BCAR3: variants seen among roughly 807,000 people sequenced by gnomAD.
BCAR3 encodes the protein breast cancer anti-estrogen resistance protein 3.
BCAR3 carries 37 observed loss-of-function variants against 80.1 expected under a neutral mutation model. The observed-to-expected ratio is 0.46, with a 90% CI of 0.36 to 0.61. The LOEUF (loss-of-function observed/expected upper bound fraction) is 0.61, where lower values mean the gene tolerates loss of function less well. Ranked by LOEUF, BCAR3 falls within the 20% of genes least tolerant of loss-of-function variation. The pLI is 0.00. For synonymous variants in BCAR3, 389 were observed against 418.9 expected, an observed-to-expected ratio of 0.93 and a Z score of 0.87; for missense variants, 978 against 1,068.2, an observed-to-expected ratio of 0.92 and a Z score of 1.18.
Position 93,582,753 on chromosome 1 carries a change from A to G in BCAR3, c.1234T>C (p.Phe412Leu), listed in dbSNP as rs1673768421. ...GAGGGAGACGAGGGAACCTTGAGGA[A>G]CGGCACCTTGCAGGGCTTAGGCGGG... ...KPPPKPCKVP[F>L]LKVPSSPSAW... The change falls in exon 7 of 12, where the codon TTC (phenylalanine) becomes CTC (leucine). Residue 412 changes from phenylalanine (F) to leucine (L), a missense_variant. Coordinates refer to ENST00000260502, the MANE Select transcript of BCAR3 (RefSeq NM_003567.4). The G allele has an allele frequency of 2.5e-6, 4 of 1,614,082 alleles. No homozygotes were observed. The highest frequency in any genetic ancestry group is 3.4e-6 in the Non-Finnish European group (4 of 1,179,998).
intron 2 of BCAR3, among the ~76,000 whole-genome samples, chr1:93,834,829 G>A (rs1045104616): frequency 2.0e-5 from 3 of 152,172 alleles, no homozygotes; most frequent in African/African-American, 4.8e-5. Flanking sequence ...TTCCTGGCCT[G>A]GACTTCAATC....
In BCAR3 at chr1:93,566,094, C is replaced by T. The variant is rs911000625; in HGVS notation, c.2299+1185G>A. 1.2e-4 allele frequency among the ~76,000 whole-genome samples: 19 copies of T among 152,172 alleles called. 1 individual carries two copies. Among genetic ancestry groups the T allele is most frequent in the African/African-American group, 4.6e-4 (19 of 41,436 alleles). On this transcript the variant is annotated intron_variant, in intron 11 of 11. Transcript: ENST00000260502. ...ATTAAACCCTTCACTGGCTCTTCTT[C>T]AGCCACGGTCTTATGTGGAAGGGCT...
At chr1:93,840,603 A>G (rs1038966719) in intron 2 of BCAR3, among the ~76,000 whole-genome samples, 6 of 152,166 alleles carry the variant, frequency 3.9e-5, no homozygotes, top group African/African-American at 1.2e-4. Flanking sequence ...TGTCATTCTG[A>G]GGGGAAGAAA....
intron 3 of BCAR3, among the ~76,000 whole-genome samples, chr1:93,607,871 G>A (rs1674822498): frequency 6.6e-6 from 1 of 152,194 alleles, no homozygotes; most frequent in Non-Finnish European, 1.5e-5. Context: ...AGCGTAAGCT[G>A]CTTGTATCTC....
At chr1:93,598,270 G>C (rs1189188868) in intron 3 of BCAR3, among the ~76,000 whole-genome samples, 1 of 152,180 alleles carries the variant, frequency 6.6e-6, no homozygotes, top group African/African-American at 2.4e-5. Flanking sequence ...GGGTGCACTT[G>C]GGCGATCTGT....
At chr1:93,611,503 C>T (rs376573074) in intron 3 of BCAR3, among the ~76,000 whole-genome samples, 61 of 152,308 alleles carry the variant, frequency 4.0e-4, no homozygotes, top group African/African-American at 1.0e-3. Flanking sequence ...TTTTATGTAA[C>T]GGCTGTCTAC....
intron 6 of BCAR3, 141 bp downstream of exon 6, chr1:93,583,877 T>C: frequency 1.3e-6 from 1 of 768,316 alleles, no homozygotes; most frequent in South Asian, 1.9e-5. Context: ...CGGATATAAT[T>C]CTGCAAACCC....
chr1:93,718,688 C>CTTTTTT (rs71094259), intron 2 of BCAR3, among the ~76,000 whole-genome samples: 5 of 77,038 alleles, frequency 6.5e-5, no homozygotes, highest in Admixed American at 1.7e-4. Flanking sequence ...CATTGTTTTT[C>CTTTTTT]TTTTTTTTTT....
intron 1 of BCAR3, chr1:93,846,687 CA>C: frequency 3.0e-6 from 1 of 333,696 alleles, no homozygotes; most frequent in South Asian, 2.3e-5. Flanking sequence ...CGCATGCTCC[CA>C]GCGCTCCCAC....
chr1:93,816,646 C>T (rs1268430558), intron 2 of BCAR3, among the ~76,000 whole-genome samples: 2 of 129,192 alleles, frequency 1.5e-5, no homozygotes, highest in African/African-American at 5.7e-5. Flanking sequence ...ATTCTAGCCT[C>T]GGCGACAGAG....
intron 2 of BCAR3, among the ~76,000 whole-genome samples, chr1:93,801,444 C>T (rs1653476675): frequency 1.3e-5 from 2 of 152,216 alleles, no homozygotes; most frequent in Admixed American, 1.3e-4. Flanking sequence ...AAAATAGAAT[C>T]ATTCTGATGA....
At chr1:93,599,215 C>T (rs533897569) in intron 3 of BCAR3, 15 of 152,296 alleles carry the variant, frequency 9.8e-5, no homozygotes, top group African/African-American at 3.4e-4. Flanking sequence ...CATCATGAGG[C>T]TTGAAGCATG....
intron 2 of BCAR3, among the ~76,000 whole-genome samples, chr1:93,731,161 A>C (rs1650774312): frequency 6.6e-6 from 1 of 152,254 alleles, no homozygotes; most frequent in Non-Finnish European, 1.5e-5. Context: ...AGTCAGAAAC[A>C]GGCCAGAGGA....
chr1:93,756,001 G>C (rs1036439364), intron 2 of BCAR3, among the ~76,000 whole-genome samples: 1 of 152,294 alleles, frequency 6.6e-6, no homozygotes, highest in Non-Finnish European at 1.5e-5. Flanking sequence ...CTCTTGACAA[G>C]TAAGAGTGGG....
intron 2 of BCAR3, among the ~76,000 whole-genome samples, chr1:93,671,023 C>T (rs1648177637): frequency 6.6e-6 from 1 of 151,992 alleles, no homozygotes; most frequent in African/African-American, 2.4e-5. Flanking sequence ...AATGGAGTCT[C>T]ACTCTGTCAC....
At chr1:93,842,504 C>T (rs898607352) in intron 2 of BCAR3, among the ~76,000 whole-genome samples, 2 of 152,162 alleles carry the variant, frequency 1.3e-5, no homozygotes, top group Admixed American at 1.3e-4. Flanking sequence ...TGTTTTTCAT[C>T]TCTGTATGCC....
At position 93,717,527 on chromosome 1, in the gene BCAR3, C is replaced by A. The variant is rs565945014; in HGVS notation, c.-62-11385G>T. On this transcript the variant is annotated intron_variant, in intron 2 of 13. Transcript: ENST00000370244. ...ATTGCCTGAGGTCAGGAGTTTGAGA[C>A]CATCCTGGCCAACATGGTGAAACCC... is the stretch of plus-strand genomic sequence containing the variant. 7.9e-5 allele frequency among the ~76,000 whole-genome samples: 12 copies of A among 152,088 alleles called. No homozygotes were observed. The East Asian group carries it at 1.5e-3, about 20-fold the overall frequency.
rs1674078133 is a variant in BCAR3, at chr1:93,589,290, G to C, written c.616C>G (p.Leu206Val). The C allele has an allele frequency of 2.7e-5, 44 of 1,614,208 alleles. No individual in the cohort carries two copies. The highest frequency in any genetic ancestry group is 3.7e-5 in the Non-Finnish European group (44 of 1,180,048). The change falls in exon 5 of 12, where the codon CTG (leucine) becomes GTG (valine). Residue 206 changes from leucine (L) to valine (V), a missense_variant. Physicochemically the swap from Leu to Val is conservative, Grantham distance 32. Transcript: ENST00000260502. ...CGGCTGTAGGCCTCGCTGAGTCGCA[G>C]AACTGTCCGGTTGATTTTGAAGTGC... The part of the protein sequence containing the change: ...AQHFKINRTV[L>V]RLSEAYSRVQ...
rs777631950 is a variant in BCAR3 at position 93,567,327 on chromosome 1, C to T, written c.2251G>A (p.Ala751Thr). 3.1e-6 allele frequency: 5 copies of T among 1,614,166 alleles called. No homozygotes were observed. The highest frequency in any genetic ancestry group is 3.4e-6 in the Non-Finnish European group (4 of 1,180,040). ...ATCCGGTAGCTGTCTGCAGCCTCGG[C>T]CATGAATCGCGCTGTTGCCAAATGG... ...LNHLATARFMAEAADSYRMNA... is the reference protein window; with the variant it reads ...LNHLATARFMTEAADSYRMNA... The change falls in exon 11 of 12, where the codon GCC becomes ACC. Residue 751 changes from alanine (A) to threonine (T), a missense_variant. Coordinates refer to ENST00000260502, the MANE Select transcript of BCAR3 (RefSeq NM_003567.4).
Sources: allele counts gnomAD v4.1 joint callset (sites outside exome capture counted in the v4.1 genomes callset), GRCh38; gene constraint gnomAD v4.1.1; transcripts MANE v1.5; gene names NCBI Gene and HGNC (gene_info 2026-07-23, HGNC 2026-07-21).